Variants in PPME1 observed in about 807,000 individuals in gnomAD.
PPME1 encodes testicular secretory protein Li 39.
A neutral mutation model predicts 56.9 loss-of-function variants in PPME1; 17 were observed. The ratio of observed to expected loss-of-function variants is 0.30; its 90% CI spans 0.20 to 0.45. PPME1 has a LOEUF of 0.45. Ranked by LOEUF, PPME1 falls within the 20% of genes least tolerant of loss-of-function variation. The probability of loss-of-function intolerance (pLI) is 1.00; values close to 1 mark genes in which losing one functional copy is unlikely to be tolerated. For synonymous variants in PPME1, 122 were observed against 156.2 expected, an observed-to-expected ratio of 0.78 and a Z score of 1.63; for missense variants, 357 against 483.2, an observed-to-expected ratio of 0.74 and a Z score of 2.45.
intron 11 of PPME1, chr11:74,247,729 C>T (rs1201330270): frequency 6.6e-6 from 1 of 152,434 alleles, no homozygotes; most frequent in Non-Finnish European, 1.5e-5. Context: ...TCAAGTGATC[C>T]ACCTGCCTTG....
chr11:74,246,934 T>A (rs1859518463), intron 10 of PPME1, 145 bp from the exon 11 acceptor site: 2 of 696,444 alleles, frequency 2.9e-6, no homozygotes, highest in Admixed American at 5.7e-5. Context: ...TGAAAAGTTT[T>A]ATCTGGTGGT....
chr11:74,200,356 TTTGTGTGTGTG>T (rs1238035253), intron 1 of PPME1, among the ~76,000 whole-genome samples: 1 of 107,140 alleles, frequency 9.3e-6, no homozygotes, highest in African/African-American at 3.6e-5. Flanking sequence ...AGTCATGTGT[TTTGTGTGTGTG>T]TGTGTGTGTG....
intron 9 of PPME1, chr11:74,243,308 T>G (rs1471307898): frequency 6.6e-6 from 1 of 151,264 alleles, no homozygotes; most frequent in African/African-American, 2.5e-5. Context: ...TTTTTTTTTT[T>G]GGTTTTGCAA....
chr11:74,190,131 A>G (rs1333442099), intron 1 of PPME1, among the ~76,000 whole-genome samples: 1 of 152,202 alleles, frequency 6.6e-6, no homozygotes, highest in Non-Finnish European at 1.5e-5. Flanking sequence ...GATGACTGGA[A>G]AAAAATTTTT....
Position 74,239,244 on chromosome 11 carries a change from A to G in PPME1, c.822A>G (p.Glu274=). The G allele has an allele frequency of 1.2e-6, 2 of 1,613,226 alleles. No homozygotes were observed. The highest frequency in any genetic ancestry group is 1.1e-5 in the South Asian group (1 of 90,926). The change falls in exon 9 of 14, where the codon GAA becomes GAG. Residue 274 remains glutamate (E), a synonymous_variant. Transcript: ENST00000328257. Reference sequence around the variant, plus strand: ...AGTCTATAAGCAAGAGGAAAAAGGAAGATGACATGGAGGTGGGTAAAAACA... The same window carrying G: ...AGTCTATAAGCAAGAGGAAAAAGGAGGATGACATGGAGGTGGGTAAAAACA... ...GSESISKRKK[E]DDMETKKDHP...
intron 9 of PPME1, among the ~76,000 whole-genome samples, chr11:74,242,878 C>CAAAAAAAAAA (rs5792649): frequency 1.6e-5 from 1 of 61,372 alleles, no homozygotes. Flanking sequence ...GACTCTGTCT[C>CAAAAAAAAAA]AAAAAAAAAA....
chr11:74,252,345 C>G (rs1489129448), intron 13 of PPME1: 3 of 431,810 alleles, frequency 6.9e-6, no homozygotes, highest in African/African-American at 6.1e-5. Flanking sequence ...GCATCGGCCT[C>G]CTAAAGTGTT....
Position 74,253,353 on chromosome 11 carries a change from C to G in PPME1, c.1143-139C>G, listed in dbSNP as rs1022628934. On this transcript the variant is annotated intron_variant, in intron 13 of 13. Transcript: ENST00000328257. Reference sequence around the variant, plus strand: ...CTGAGAGCAGACCCTGGGTCCAGCTCTGGTCAGGGCTGTGAAATGGGTCAG... The same window carrying G: ...CTGAGAGCAGACCCTGGGTCCAGCTGTGGTCAGGGCTGTGAAATGGGTCAG... 3.6e-6 allele frequency: 3 copies of G among 827,518 alleles called. No homozygotes were observed. In the African/African-American group the frequency reaches 5.0e-5, roughly 14 times the overall value. The allele number at this position is 827,518 out of a possible 1,614,324, so 51.3% of individuals were successfully genotyped here. A position where few individuals can be genotyped will look rare whatever the true frequency, so the allele number is the denominator to read the frequency against.
At chr11:74,189,674 C>T (rs1056412955) in intron 1 of PPME1, among the ~76,000 whole-genome samples, 6 of 152,190 alleles carry the variant, frequency 3.9e-5, no homozygotes, top group African/African-American at 1.4e-4. Context: ...CCATTATTTT[C>T]CCTGCAGTTG....
At chr11:74,241,410 T>C (rs1269127044) in intron 9 of PPME1, among the ~76,000 whole-genome samples, 1 of 152,246 alleles carries the variant, frequency 6.6e-6, no homozygotes, top group Non-Finnish European at 1.5e-5. Flanking sequence ...TTGGGTTGTT[T>C]CCACTTTTTG....
chr11:74,199,667 A>T (rs759589775), intron 1 of PPME1, among the ~76,000 whole-genome samples: 1 of 152,212 alleles, frequency 6.6e-6, no homozygotes, highest in Non-Finnish European at 1.5e-5. Context: ...AAATGTAACT[A>T]TATTAGTCTG....
intron 3 of PPME1, among the ~76,000 whole-genome samples, chr11:74,212,988 C>G (rs946747402): frequency 6.6e-6 from 1 of 152,174 alleles, no homozygotes; most frequent in African/African-American, 2.4e-5. Context: ...GTAAAGACTT[C>G]ATGTTGCAGT....
At chr11:74,208,121 G>A (rs1385599891) in intron 3 of PPME1, among the ~76,000 whole-genome samples, 2 of 151,964 alleles carry the variant, frequency 1.3e-5, no homozygotes, top group Admixed American at 6.6e-5. Context: ...AGACAATCCT[G>A]GCCAACATGG....
At chr11:74,215,993 A>G (rs1263514375) in intron 3 of PPME1, among the ~76,000 whole-genome samples, 1 of 152,228 alleles carries the variant, frequency 6.6e-6, no homozygotes, top group Non-Finnish European at 1.5e-5. Context: ...GGAGCACCCA[A>G]ATAGGTAAAG....
Position 74,230,866 on chromosome 11 carries a change from T to C in PPME1, c.554-46T>C. The C allele has an allele frequency of 1.4e-6, 2 of 1,400,908 alleles. No individual in the cohort carries two copies. The highest frequency in any genetic ancestry group is 2.0e-6 in the Non-Finnish European group (2 of 1,006,930). 86.8% of individuals were successfully genotyped at this position (1,400,908 alleles called of 1,614,324 possible). A position where few individuals can be genotyped will look rare whatever the true frequency, so the allele number is the denominator to read the frequency against. ...TAGTTGACTCAGTAAGTGTAAATGCTCAGAATAAGTTAAATATGTGGTTAC... is the reference window on the plus strand; with the variant it reads ...TAGTTGACTCAGTAAGTGTAAATGCCCAGAATAAGTTAAATATGTGGTTAC... On this transcript the variant is annotated intron_variant, in intron 6 of 13. Transcript: ENST00000328257. The surrounding 1 kb of genome is among the most constrained non-coding windows in gnomAD (Gnocchi z 4.9).
chr11:74,239,646 G>C (rs930235357), intron 9 of PPME1, among the ~76,000 whole-genome samples: 1 of 148,222 alleles, frequency 6.7e-6, no homozygotes, highest in African/African-American at 2.5e-5. Flanking sequence ...GCGCGATCTC[G>C]GCTCACTGCA....
At chr11:74,173,146 G>C (rs1459936299) in intron 1 of PPME1, among the ~76,000 whole-genome samples, 2 of 152,132 alleles carry the variant, frequency 1.3e-5, no homozygotes, top group Non-Finnish European at 2.9e-5. Flanking sequence ...AGTGAAGATT[G>C]TTTTGGCTTT....
intron 5 of PPME1, among the ~76,000 whole-genome samples, chr11:74,228,156 AAAC>A (rs1217273258): frequency 6.6e-6 from 1 of 151,970 alleles, no homozygotes. Context: ...AAAAAAAAAA[AAAC>A]AGTTTGCCCC....
At chr11:74,197,720 T>C (rs1240819691) in intron 1 of PPME1, among the ~76,000 whole-genome samples, 2 of 152,206 alleles carry the variant, frequency 1.3e-5, no homozygotes, top group Non-Finnish European at 2.9e-5. Flanking sequence ...CCTAATTCCT[T>C]TTCTCTTTCT....
Sources: gnomAD v4.1 joint callset for allele counts (sites outside exome capture counted in the v4.1 genomes callset) on GRCh38, gnomAD v4.1.1 for gene constraint, Gnocchi (gnomAD v3.1) non-coding constraint, MANE v1.5 for transcripts, NCBI Gene and HGNC (gene_info 2026-07-23, HGNC 2026-07-21) for gene names.